Variants in LRBA observed in about 807,000 individuals in gnomAD.
LRBA encodes the protein LPS responsive beige-like anchor protein.
A neutral mutation model predicts 330.0 loss-of-function variants in LRBA; 176 were observed. The observed-to-expected ratio is 0.53, with a 90% CI of 0.47 to 0.60. The LOEUF is 0.60. Ranked by LOEUF, LRBA falls within the 20% of genes least tolerant of loss-of-function variation. The pLI is 0.00. For synonymous variants in LRBA, 1,230 were observed against 1,193.0 expected, an observed-to-expected ratio of 1.03 and a Z score of -0.64; for missense variants, 3,259 against 3,444.8, an observed-to-expected ratio of 0.95 and a Z score of 1.35.
At position 150,870,480 on chromosome 4, in the gene LRBA, T is replaced by G. The variant is rs368407006; in HGVS notation, c.2449+45A>C. The G allele has an allele frequency of 6.0e-5, 60 of 1,006,608 alleles. No individual in the cohort carries two copies. The East Asian group carries it at 8.1e-4, about 14-fold the overall frequency. 62.4% of individuals were successfully genotyped at this position (1,006,608 alleles called of 1,614,324 possible). On this transcript the variant is annotated intron_variant, in intron 20 of 56. Transcript: ENST00000651943. ...AGGTTGTTCACAGTGACTTTCTTTT[T>G]AAGTAGCAAAAGGTAGTTTTTGTTA...
intron 4 of LRBA, among the ~76,000 whole-genome samples, chr4:150,926,615 A>C (rs954931656): frequency 1.3e-5 from 2 of 152,330 alleles, no homozygotes; most frequent in African/African-American, 4.8e-5. Flanking sequence ...TGTGACCTAC[A>C]TAAAGGAGCA....
chr4:150,830,422 G>C (rs913854703), intron 29 of LRBA, among the ~76,000 whole-genome samples: 3 of 152,192 alleles, frequency 2.0e-5, no homozygotes, highest in Admixed American at 6.5e-5. Context: ...ACTCAGTTGA[G>C]AACAAGTATC....
intron 38 of LRBA, among the ~76,000 whole-genome samples, chr4:150,595,364 C>T (rs1409155750): frequency 1.3e-5 from 2 of 151,926 alleles, no homozygotes; most frequent in East Asian, 3.8e-4. Flanking sequence ...CAGTATCTGG[C>T]ATTATTGAAG....
intron 35 of LRBA, among the ~76,000 whole-genome samples, chr4:150,755,352 G>A (rs755939347): frequency 5.9e-5 from 9 of 152,140 alleles, no homozygotes; most frequent in Admixed American, 3.3e-4. Context: ...ATTAAGCAAC[G>A]TGCCCAACAG....
Position 150,738,007 on chromosome 4 carries a change from T to TC in LRBA, c.5646-2642dup, listed in dbSNP as rs1553950192. 1.7e-4 allele frequency among the ~76,000 whole-genome samples: 25 copies of TC among 144,588 alleles called. 1 individual carries two copies. The highest frequency in any genetic ancestry group is 2.8e-4 in the Non-Finnish European group (19 of 66,806). 94.9% of individuals were successfully genotyped at this position (144,588 alleles called of 152,430 possible). A position where few individuals can be genotyped will look rare whatever the true frequency, so the allele number is the denominator to read the frequency against. ...TCTTTTTTTTTTTTTTTTTTTTTTT[T>TC]CTGAGACGAAGTTTCGCTCTGTCGC... On this transcript the variant is annotated intron_variant, in intron 35 of 56. Coordinates refer to ENST00000651943, the MANE Select transcript of LRBA (RefSeq NM_001364905.1).
At chr4:150,660,477 G>A (rs1780908578) in intron 37 of LRBA, among the ~76,000 whole-genome samples, 1 of 151,474 alleles carries the variant, frequency 6.6e-6, no homozygotes, top group South Asian at 2.1e-4. Flanking sequence ...CGGGAGGGAG[G>A]TGGGGGGGGT....
chr4:150,802,408 G>A (rs1399778371), intron 33 of LRBA, among the ~76,000 whole-genome samples: 4 of 150,674 alleles, frequency 2.7e-5, no homozygotes, highest in Non-Finnish European at 5.9e-5. Context: ...GTGTAATAGT[G>A]AAATAGCAAA....
chr4:150,596,258 T>C (rs942346311), intron 38 of LRBA, among the ~76,000 whole-genome samples: 24 of 151,898 alleles, frequency 1.6e-4, no homozygotes, highest in Admixed American at 5.9e-4. Context: ...GGGGCTGGTA[T>C]TGATCGCCCA....
chr4:150,661,999 A>G (rs1014103563), intron 37 of LRBA, among the ~76,000 whole-genome samples: 2 of 152,146 alleles, frequency 1.3e-5, no homozygotes, highest in African/African-American at 4.8e-5. Flanking sequence ...TCATTAAGCT[A>G]TATCAAAAAT....
chr4:150,489,465 A>T (rs186211969), intron 41 of LRBA, among the ~76,000 whole-genome samples: 2,876 of 21,384 alleles, frequency 0.13, 464 homozygotes, highest in Non-Finnish European at 0.18. Flanking sequence ...TAAGAATATA[A>T]AATATATTAT....
chr4:150,771,980 C>G (rs1170873278), intron 34 of LRBA, among the ~76,000 whole-genome samples: 2 of 152,154 alleles, frequency 1.3e-5, no homozygotes, highest in African/African-American at 4.8e-5. Context: ...GATTTTTTCT[C>G]CCATTCATAG....
At chr4:150,543,764 A>G (rs1026557776) in intron 40 of LRBA, among the ~76,000 whole-genome samples, 1 of 152,182 alleles carries the variant, frequency 6.6e-6, no homozygotes. Flanking sequence ...CAATCATCAC[A>G]TCAAAATAGT....
At chr4:150,701,698 A>G (rs1248830787) in intron 36 of LRBA, among the ~76,000 whole-genome samples, 1 of 152,224 alleles carries the variant, frequency 6.6e-6, no homozygotes, top group Admixed American at 6.5e-5. Flanking sequence ...AAATAAAGAC[A>G]TTAACTAAAA....
At chr4:150,912,205 A>T (rs1732075690) in intron 9 of LRBA, among the ~76,000 whole-genome samples, 1 of 152,154 alleles carries the variant, frequency 6.6e-6, no homozygotes, top group African/African-American at 2.4e-5. Context: ...CTAACCAGGT[A>T]TATGACCTGT....
chr4:150,287,609 T>C (rs1474354697), intron 53 of LRBA, among the ~76,000 whole-genome samples: 1 of 152,206 alleles, frequency 6.6e-6, no homozygotes, highest in Non-Finnish European at 1.5e-5. Context: ...TTCAAGGCTT[T>C]GGTGACTGTA....
chr4:150,517,716 C>T (rs1762504894), intron 40 of LRBA, among the ~76,000 whole-genome samples: 1 of 152,094 alleles, frequency 6.6e-6, no homozygotes. Flanking sequence ...GCAGGTATGA[C>T]ATTATTTCTA....
At chr4:150,882,107 A>T (rs948325495) in intron 17 of LRBA, among the ~76,000 whole-genome samples, 1 of 152,112 alleles carries the variant, frequency 6.6e-6, no homozygotes, top group Non-Finnish European at 1.5e-5. Context: ...AAATCACAAT[A>T]ATTTTTTCAA....
At chr4:150,492,621 A>C (rs1401896317) in intron 40 of LRBA, among the ~76,000 whole-genome samples, 1 of 152,134 alleles carries the variant, frequency 6.6e-6, no homozygotes, top group Non-Finnish European at 1.5e-5. Flanking sequence ...TCACCTCAAA[A>C]TTTTAAAATA....
At chr4:150,931,334 TA>T (rs1734477592) in intron 2 of LRBA, among the ~76,000 whole-genome samples, 1 of 151,678 alleles carries the variant, frequency 6.6e-6, no homozygotes, top group Non-Finnish European at 1.5e-5. Flanking sequence ...ATAAGGTGCT[TA>T]TTATTAATAA....
Sources: allele counts gnomAD v4.1 joint callset (sites outside exome capture counted in the v4.1 genomes callset), GRCh38; gene constraint gnomAD v4.1.1; transcripts MANE v1.5; gene names NCBI Gene and HGNC (gene_info 2026-07-23, HGNC 2026-07-21).